Variants in APBB2 observed in about 807,000 individuals in gnomAD.
The protein encoded by APBB2 is amyloid beta precursor protein binding family B member 2.
APBB2 carries 38 observed loss-of-function variants against 82.5 expected under a neutral mutation model. That is an observed-to-expected ratio of 0.46 (90% CI 0.36 to 0.60). The LOEUF (loss-of-function observed/expected upper bound fraction) is 0.60. APBB2 is among the 20% of genes least tolerant of loss of function. The pLI is 0.00. For missense variants in APBB2, 772 were observed against 972.3 expected (o/e 0.79, Z 2.74); for synonymous variants, 341 against 368.2 (o/e 0.93, Z 0.85).
At chr4:40,958,996 G>A (rs1195980763) in intron 6 of APBB2, among the ~76,000 whole-genome samples, 2 of 152,174 alleles carry the variant, frequency 1.3e-5, no homozygotes, top group East Asian at 3.8e-4. Flanking sequence ...CCAGCTGTCT[G>A]CCTATCCCAC....
intron 12 of APBB2, among the ~76,000 whole-genome samples, chr4:40,846,013 G>GGGTGGGT (rs1757481323): frequency 1.4e-5 from 1 of 70,100 alleles, no homozygotes; most frequent in Non-Finnish European, 3.0e-5. Flanking sequence ...GGGTGTGAGT[G>GGGTGGGT]GGGTGTGTGT....
At chr4:40,880,730 G>T (rs1768230425) in intron 12 of APBB2, 1 of 985,418 alleles carries the variant, frequency 1.0e-6, no homozygotes, top group Non-Finnish European at 1.2e-6. Context: ...GGACTCAGGG[G>T]AAGTGCGAGA....
chr4:41,003,484 A>G (rs1055175446), intron 6 of APBB2, among the ~76,000 whole-genome samples: 8 of 152,174 alleles, frequency 5.3e-5, no homozygotes, highest in Non-Finnish European at 1.2e-4. Context: ...CTTATTGGGA[A>G]ACAGTCTTTG....
rs961963104 is a variant in APBB2 at position 41,073,957 on chromosome 4, G to A, written c.-148-8284C>T. Among the ~76,000 whole-genome samples, 3 of 152,218 alleles carry A rather than the reference G, an allele frequency of 2.0e-5. No individual in the cohort carries two copies. In the East Asian group the frequency reaches 5.8e-4, roughly 29 times the overall value. ...AGCAAGACCTCATCTCATCAATTAA[G>A]CAGTCAATCAATATGCTAGCAAGTC... On this transcript the variant is annotated intron_variant, in intron 3 of 17. Transcript: ENST00000508593.
At chr4:40,991,997 C>T (rs1021709600) in intron 6 of APBB2, among the ~76,000 whole-genome samples, 1 of 152,116 alleles carries the variant, frequency 6.6e-6, no homozygotes, top group Non-Finnish European at 1.5e-5. Flanking sequence ...CTCACACTCA[C>T]GCACAGACAC....
At chr4:41,168,441 C>T (rs1364559919) in intron 1 of APBB2, among the ~76,000 whole-genome samples, 1 of 151,832 alleles carries the variant, frequency 6.6e-6, no homozygotes, top group Non-Finnish European at 1.5e-5. Context: ...GTGCAAGTGG[C>T]GATTCTCCTG....
At chr4:40,824,229 G>A (rs377334998) in intron 15 of APBB2, among the ~76,000 whole-genome samples, 50 of 152,100 alleles carry the variant, frequency 3.3e-4, no homozygotes, top group African/African-American at 1.2e-3. Context: ...GAGAAGCTCC[G>A]GGGACCTGGT....
intron 4 of APBB2, among the ~76,000 whole-genome samples, chr4:41,056,009 G>A (rs564536176): frequency 6.6e-5 from 10 of 152,044 alleles, no homozygotes; most frequent in Admixed American, 3.9e-4. Flanking sequence ...CCTGGCCAAT[G>A]TGGTGAAACC....
chr4:41,049,358 C>G (rs1328827343), intron 4 of APBB2, among the ~76,000 whole-genome samples: 1 of 149,392 alleles, frequency 6.7e-6, no homozygotes, highest in African/African-American at 2.5e-5. Context: ...GGCAGCCGCC[C>G]CGTCCGGGAG....
At chr4:40,838,233 G>A (rs1754652045) in intron 12 of APBB2, among the ~76,000 whole-genome samples, 1 of 150,342 alleles carries the variant, frequency 6.7e-6, no homozygotes, top group Admixed American at 6.6e-5. Context: ...CATGATCTCG[G>A]CTCACTGCAA....
At chr4:41,168,428 G>A (rs1273383950) in intron 1 of APBB2, among the ~76,000 whole-genome samples, 5 of 151,608 alleles carry the variant, frequency 3.3e-5, no homozygotes, top group South Asian at 2.1e-4. Flanking sequence ...CACCCAGGCT[G>A]GAGTGCAAGT....
intron 10 of APBB2, among the ~76,000 whole-genome samples, chr4:40,914,385 A>G (rs1363476978): frequency 6.6e-6 from 1 of 151,866 alleles, no homozygotes; most frequent in Admixed American, 6.6e-5. Context: ...AAAAATCAAA[A>G]AAACAAAAAA....
chr4:41,032,539 G>A (rs1717235613), intron 5 of APBB2, among the ~76,000 whole-genome samples: 1 of 151,864 alleles, frequency 6.6e-6, no homozygotes. Context: ...AACTCTACAA[G>A]CTATTAATAA....
intron 4 of APBB2, among the ~76,000 whole-genome samples, chr4:41,039,085 G>A (rs747533647): frequency 2.8e-4 from 42 of 152,302 alleles, no homozygotes; most frequent in South Asian, 8.3e-4. Flanking sequence ...TTTCATTTCT[G>A]GAATACATAG....
chr4:40,894,071 G>A (rs1365994479), intron 10 of APBB2, among the ~76,000 whole-genome samples: 4 of 151,980 alleles, frequency 2.6e-5, no homozygotes, highest in African/African-American at 4.8e-5. Context: ...GGCAGATCAC[G>A]AGGTCAGGAG....
chr4:41,014,370 C>G lies in APBB2; in HGVS notation c.48G>C (p.Val16=). The part of the protein sequence containing the change: ...PADSGVDTLA[V]FMASSGTTDV... The stretch of plus-strand genomic sequence containing the variant: ...CTGTAGTTCCGCTGCTGGCCATAAA[C>G]ACTGCCAAGGTGTCAACACCTGAGT... Residue 16 remains valine (V), a synonymous_variant, in exon 6 of 18, where the codon GTG becomes GTC. Coordinates refer to ENST00000508593, the MANE Select transcript of APBB2 (RefSeq NM_004307.2). 1 of 1,614,074 alleles carries G rather than the reference C, an allele frequency of 6.2e-7. No individual in the cohort carries two copies. The highest frequency in any genetic ancestry group is 8.5e-7 in the Non-Finnish European group (1 of 1,180,024).
chr4:41,138,525 T>TATAAAA (rs1758221859), intron 2 of APBB2, among the ~76,000 whole-genome samples: 2 of 151,962 alleles, frequency 1.3e-5, no homozygotes, highest in Admixed American at 1.3e-4. Flanking sequence ...AACAACCCAA[T>TATAAAA]ATAAAAATGG....
intron 6 of APBB2, among the ~76,000 whole-genome samples, chr4:40,984,990 T>C (rs1800033307): frequency 6.6e-6 from 1 of 152,080 alleles, no homozygotes; most frequent in African/African-American, 2.4e-5. Context: ...GGTGTGATCA[T>C]GGCTCACTGC....
chr4:41,039,835 CAA>C (rs11441799), intron 4 of APBB2, among the ~76,000 whole-genome samples: 50 of 139,020 alleles, frequency 3.6e-4, no homozygotes, highest in Admixed American at 5.1e-4. Flanking sequence ...GACCTTGTCT[CAA>C]AAAAAAAAAA....
Sources: allele counts gnomAD v4.1 joint callset (sites outside exome capture counted in the v4.1 genomes callset), GRCh38; gene constraint gnomAD v4.1.1; transcripts MANE v1.5; gene names NCBI Gene and HGNC (gene_info 2026-07-23, HGNC 2026-07-21).